The following SIK3 variants were observed in gnomAD, a reference collection of about 807,000 sequenced individuals.
SIK3 encodes the protein SIK family kinase 3.
SIK3 carries 28 observed loss-of-function variants against 144.2 expected under a neutral mutation model. That is an observed-to-expected ratio of 0.19 (90% confidence interval 0.14 to 0.27). The LOEUF is 0.27. Ranked by LOEUF, SIK3 falls within the 10% of genes least tolerant of loss-of-function variation. The probability of loss-of-function intolerance (pLI) is 1.00; values close to 1 mark genes in which losing one functional copy is unlikely to be tolerated. For synonymous variants in SIK3, 686 were observed against 676.3 expected, an observed-to-expected ratio of 1.01 and a Z score of -0.22; for missense variants, 1,319 against 1,776.0, an observed-to-expected ratio of 0.74 and a Z score of 4.62.
At chr11:116,979,321 C>G (rs1838269619) in intron 1 of SIK3, among the ~76,000 whole-genome samples, 1 of 152,054 alleles carries the variant, frequency 6.6e-6, no homozygotes, top group Admixed American at 6.5e-5. Flanking sequence ...TTAACTTTTT[C>G]ATGACTTTCC....
Position 116,984,030 on chromosome 11 carries a change from G to A in SIK3, c.274-26966C>T, listed in dbSNP as rs531882926. 2.6e-4 allele frequency among the ~76,000 whole-genome samples: 33 copies of A among 126,566 alleles called. No individual in the cohort carries two copies. The Admixed American group carries it at 2.9e-3, about 11-fold the overall frequency. The allele number at this position is 126,566 out of a possible 152,430, so 83.0% of individuals were successfully genotyped here. On this transcript the variant is annotated intron_variant, in intron 1 of 24. Transcript: ENST00000445177. ...CATGCCACTGCACTCCAGCCTGGGT[G>A]ACAGAGCAAGACCCTGACTCAAAAA... is the stretch of plus-strand genomic sequence containing the variant.
At chr11:116,884,439 C>T (rs1489040051) in intron 6 of SIK3, among the ~76,000 whole-genome samples, 4 of 151,640 alleles carry the variant, frequency 2.6e-5, no homozygotes, top group African/African-American at 4.9e-5. Flanking sequence ...CCTCGCCTCC[C>T]GGGTTCAAAT....
chr11:116,865,488 C>T (rs1354546139), intron 15 of SIK3, among the ~76,000 whole-genome samples: 1 of 152,152 alleles, frequency 6.6e-6, no homozygotes, highest in East Asian at 1.9e-4. Context: ...TTTGCAATCA[C>T]ACTCAAATTC....
At chr11:116,940,306 T>G (rs1948218046) in intron 3 of SIK3, among the ~76,000 whole-genome samples, 1 of 151,160 alleles carries the variant, frequency 6.6e-6, no homozygotes, top group Non-Finnish European at 1.5e-5. Flanking sequence ...CTTGGCTCAC[T>G]GCAACCTCTG....
chr11:117,072,825 T>A (rs1319209274), intron 1 of SIK3, among the ~76,000 whole-genome samples: 1 of 152,178 alleles, frequency 6.6e-6, no homozygotes, highest in South Asian at 2.1e-4. Flanking sequence ...CCTACAATGG[T>A]GGCTGAAAGT....
chr11:117,010,006 A>T (rs931346484), intron 1 of SIK3, among the ~76,000 whole-genome samples: 7 of 152,288 alleles, frequency 4.6e-5, no homozygotes, highest in Middle Eastern at 3.4e-3. Flanking sequence ...TAACGACAAC[A>T]TCTATTACCA....
chr11:117,023,621 A>AAAATATATATATATATAT (rs754624841), intron 1 of SIK3, among the ~76,000 whole-genome samples: 6 of 95,416 alleles, frequency 6.3e-5, no homozygotes, highest in African/African-American at 2.6e-4. Flanking sequence ...AAAAAAAAAA[A>AAAATATATATATATATAT]ATATATATAT....
At chr11:116,884,417 G>A (rs911022888) in intron 6 of SIK3, among the ~76,000 whole-genome samples, 6 of 147,644 alleles carry the variant, frequency 4.1e-5, no homozygotes, top group East Asian at 2.0e-4. Context: ...GTGCGATCTC[G>A]GCTCACTGCA....
At chr11:117,029,823 A>G (rs1001114287) in intron 1 of SIK3, among the ~76,000 whole-genome samples, 2 of 151,814 alleles carry the variant, frequency 1.3e-5, no homozygotes, top group Non-Finnish European at 2.9e-5. Context: ...ATGGCTATGT[A>G]GCATAAGGTA....
chr11:117,048,654 C>G (rs985194724), intron 1 of SIK3, among the ~76,000 whole-genome samples: 4 of 151,394 alleles, frequency 2.6e-5, no homozygotes, highest in Non-Finnish European at 5.9e-5. Context: ...GAAACTCCGT[C>G]TCAAAAAAAA....
In SIK3 at chr11:116,849,689, C is replaced by T. The variant is rs1942279189; in HGVS notation, c.3656-406G>A. The stretch of plus-strand genomic sequence containing the variant: ...TGCGTCCTCTCTCCTCCCCCGGTGA[C>T]CTCAGTGTACCACGCTGCTACTCTC... On this transcript the variant is annotated intron_variant, in intron 21 of 24. Coordinates refer to ENST00000445177, the MANE Select transcript of SIK3 (RefSeq NM_001366686.3). The surrounding 1 kb of genome is among the most constrained non-coding windows in gnomAD (Gnocchi z 4.2). Among the ~76,000 whole-genome samples, 1 of 152,144 alleles carries T rather than the reference C, an allele frequency of 6.6e-6. No homozygotes were observed. Among genetic ancestry groups the T allele is most frequent in the Non-Finnish European group, 1.5e-5 (1 of 68,018 alleles).
At chr11:117,079,795 T>C (rs1233607923) in intron 1 of SIK3, among the ~76,000 whole-genome samples, 1 of 152,086 alleles carries the variant, frequency 6.6e-6, no homozygotes, top group Non-Finnish European at 1.5e-5. Context: ...CATTTTATAT[T>C]AGACACACAC....
rs1949156319 is a variant in SIK3 at position 116,956,807 on chromosome 11, A to C, written c.390+141T>G. The C allele has an allele frequency of 7.9e-6, 4 of 503,912 alleles. No homozygotes were observed. In the East Asian group the frequency reaches 1.2e-4, roughly 16 times the overall value. 31.2% of individuals were successfully genotyped at this position (503,912 alleles called of 1,614,324 possible). ...GATACTAAGTGCTGAGCGCGTAAAC[A>C]GAAGGGTAGGAAAGATAGCAGGATT... is the stretch of plus-strand genomic sequence containing the variant. On this transcript the variant is annotated intron_variant, in intron 2 of 24. Coordinates refer to ENST00000445177, the MANE Select transcript of SIK3 (RefSeq NM_001366686.3).
At chr11:117,007,164 C>T (rs568102171) in intron 1 of SIK3, among the ~76,000 whole-genome samples, 6 of 152,252 alleles carry the variant, frequency 3.9e-5, no homozygotes, top group Non-Finnish European at 8.8e-5. Flanking sequence ...GATCACCTGA[C>T]GTCAGGAGAT....
chr11:116,991,494 T>G (rs1950500023), intron 1 of SIK3, among the ~76,000 whole-genome samples: 1 of 152,080 alleles, frequency 6.6e-6, no homozygotes, highest in South Asian at 2.1e-4. Context: ...TTCTAAAAAT[T>G]GAGGGAAGGG....
intron 4 of SIK3, among the ~76,000 whole-genome samples, chr11:116,922,243 C>T (rs1161147577): frequency 6.6e-6 from 1 of 152,010 alleles, no homozygotes; most frequent in Non-Finnish European, 1.5e-5. Flanking sequence ...TGGCTCATGC[C>T]CATAATTCTA....
At chr11:117,058,137 T>C (rs1170634614) in intron 1 of SIK3, among the ~76,000 whole-genome samples, 4 of 152,100 alleles carry the variant, frequency 2.6e-5, no homozygotes, top group Non-Finnish European at 5.9e-5. Context: ...GAGCTTGGCA[T>C]GTGAAGGATC....
intron 4 of SIK3, among the ~76,000 whole-genome samples, chr11:116,901,256 T>A (rs1402809205): frequency 6.6e-6 from 1 of 152,232 alleles, no homozygotes; most frequent in Non-Finnish European, 1.5e-5. Flanking sequence ...TCCTAGTCTC[T>A]ACACAGTGGT....
chr11:117,052,827 T>C (rs1273233011), intron 1 of SIK3, among the ~76,000 whole-genome samples: 1 of 152,218 alleles, frequency 6.6e-6, no homozygotes, highest in Non-Finnish European at 1.5e-5. Flanking sequence ...CCAAACAGCT[T>C]TGTGGCTCTA....
Sources: allele counts gnomAD v4.1 joint callset (sites outside exome capture counted in the v4.1 genomes callset), GRCh38; gene constraint gnomAD v4.1.1; non-coding constraint Gnocchi (gnomAD v3.1); transcripts MANE v1.5; gene names NCBI Gene and HGNC (gene_info 2026-07-23, HGNC 2026-07-21).